Variants in KIF13B observed in about 807,000 individuals in gnomAD.
The protein encoded by KIF13B is kinesin-like protein KIF13B.
Under a neutral mutation model 222.0 loss-of-function variants are expected in KIF13B, and 127 were observed. The observed-to-expected ratio is 0.57, with a 90% CI of 0.50 to 0.66. The LOEUF (loss-of-function observed/expected upper bound fraction) is 0.66, where lower values mean the gene tolerates loss of function less well. Ranked by LOEUF, KIF13B falls within the 30% of genes least tolerant of loss-of-function variation. The pLI, the probability that KIF13B is intolerant of heterozygous loss-of-function variation, is 0.00. For missense variants in KIF13B, 2,173 were observed against 2,379.0 expected (o/e 0.91, Z 1.80); for synonymous variants, 976 against 919.0 (o/e 1.06, Z -1.12).
Position 29,072,076 on chromosome 8 carries a change from C to T in KIF13B, c.4762G>A (p.Ala1588Thr). ...GGCATGGACCCCGGCGGGGCCGCAG[C>T]GTCCAGGCCGGGGCCCAGGGCGTCC... ...LSDALGPGLD[A>T]AAPPGSMPTA... Residue 1588 changes from alanine to threonine, a missense_variant, in exon 39 of 40, where the codon GCT (alanine) becomes ACT (threonine). By Grantham distance (58) the Ala-to-Thr change is moderately conservative. Around this residue, in one of 2 missense-constraint regions of KIF13B, gnomAD observed 693 missense variants for 656.2 expected, o/e 1.06. Transcript: ENST00000524189. 1 of 1,315,446 alleles carries T rather than the reference C, an allele frequency of 7.6e-7. No homozygotes were observed. The highest frequency in any genetic ancestry group is 9.7e-7 in the Non-Finnish European group (1 of 1,030,114). 81.5% of individuals were successfully genotyped at this position (1,315,446 alleles called of 1,614,324 possible).
At position 29,071,554 on chromosome 8, in the gene KIF13B, C is replaced by T. The variant is rs923552104; in HGVS notation, c.5218+66G>A. 9 of 1,409,276 alleles carry T rather than the reference C, an allele frequency of 6.4e-6. No homozygotes were observed. The Admixed American group carries it at 1.2e-4, about 19-fold the overall frequency. 87.3% of individuals were successfully genotyped at this position (1,409,276 alleles called of 1,614,324 possible). On this transcript the variant is annotated intron_variant, in intron 39 of 39. Coordinates refer to ENST00000524189, the MANE Select transcript of KIF13B (RefSeq NM_015254.4). This position sits in a 1 kb window ranked among gnomAD's most constrained non-coding sequence, Gnocchi z 4.9. The stretch of plus-strand genomic sequence containing the variant: ...TGCCCGGACCCTGTCCCCTCCCAGG[C>T]CGGCCACGTTCCTGCTTCCCCAGAC...
At chr8:29,122,554 T>G (rs935492894) in intron 29 of KIF13B, 37 bp downstream of exon 29, 1 of 1,562,924 alleles carries the variant, frequency 6.4e-7, no homozygotes, top group African/African-American at 1.4e-5. Context: ...CACTAAATTT[T>G]CAGAGGTAAG....
chr8:29,107,538 C>T (rs1657467249), intron 35 of KIF13B, among the ~76,000 whole-genome samples: 2 of 151,278 alleles, frequency 1.3e-5, no homozygotes, highest in South Asian at 4.2e-4. Context: ...CACACACACA[C>T]ACACAAAATC....
At position 29,067,327 on chromosome 8, in the gene KIF13B, T is replaced by C. The variant is rs1161299514; in HGVS notation, c.*3177A>G. On this transcript the variant is annotated 3_prime_UTR_variant, in exon 40 of 40. Transcript: ENST00000524189. ...TATTGAGAAGCTGTTGGTCATTTGA[T>C]GGAAAGACACATACGGTACAAAATT... 5 of 152,590 alleles carry C rather than the reference T, an allele frequency of 3.3e-5. No individual in the cohort carries two copies. The highest frequency in any genetic ancestry group is 1.2e-4 in the African/African-American group (5 of 41,448). The allele number at this position is 152,590 out of a possible 1,614,324, so 9.5% of individuals were successfully genotyped here.
At chr8:29,142,975 C>T (rs1040820921) in intron 18 of KIF13B, among the ~76,000 whole-genome samples, 1 of 152,152 alleles carries the variant, frequency 6.6e-6, no homozygotes, top group Admixed American at 6.5e-5. Context: ...GCCTCAGCCT[C>T]CCAAGTAGTT....
intron 8 of KIF13B, 58 bp from the exon 9 acceptor site, chr8:29,177,636 T>A (rs537789170): frequency 5.3e-6 from 6 of 1,135,796 alleles, no homozygotes; most frequent in Non-Finnish European, 1.3e-6. Context: ...GTGTGGTGGC[T>A]CATGCCAGTA....
chr8:29,077,413 TC>T (rs1400409559), intron 37 of KIF13B, among the ~76,000 whole-genome samples: 1 of 152,170 alleles, frequency 6.6e-6, no homozygotes, highest in Non-Finnish European at 1.5e-5. Flanking sequence ...GTATTTAACG[TC>T]CCCACAAATG....
At position 29,140,090 on chromosome 8, in the gene KIF13B, C is replaced by A. The variant is rs1810743847; in HGVS notation, c.2586G>T (p.Glu862Asp). 1.2e-6 allele frequency: 2 copies of A among 1,602,762 alleles called. No homozygotes were observed. The highest frequency in any genetic ancestry group is 8.5e-7 in the Non-Finnish European group (1 of 1,174,816). Residue 862 changes from glutamate to aspartate, a missense_variant, in exon 21 of 40, where the codon GAG (glutamate) becomes GAT (aspartate). This residue lies in a region of KIF13B where 1,480 missense variants were observed against 1,722.8 expected (regional missense o/e 0.86). Transcript: ENST00000524189. ...DEVAEVSFEK[E>D]TQENKLVCMV... ...TGCACACCAGTTTGTTCTCCTGGGT[C>A]TCCTTCTCAAAGGAGACCTCTGCCA...
chr8:29,195,592 C>T (rs992802565), intron 3 of KIF13B, among the ~76,000 whole-genome samples: 8 of 152,130 alleles, frequency 5.3e-5, no homozygotes, highest in Admixed American at 2.6e-4. Flanking sequence ...CTGGAAGTTC[C>T]AAGTAACTTC....
chr8:29,094,561 C>T (rs900459300), intron 36 of KIF13B, among the ~76,000 whole-genome samples: 2 of 152,092 alleles, frequency 1.3e-5, no homozygotes, highest in East Asian at 1.9e-4. Context: ...ACTGGCTGAC[C>T]ACAGGGAATG....
chr8:29,228,232 G>A (rs1334858868), intron 2 of KIF13B, among the ~76,000 whole-genome samples: 3 of 151,368 alleles, frequency 2.0e-5, no homozygotes, highest in Non-Finnish European at 2.9e-5. Context: ...TTGGGAGTCC[G>A]AGGCAGGTGG....
At chr8:29,086,891 T>C (rs186024114) in intron 37 of KIF13B, among the ~76,000 whole-genome samples, 30 of 152,360 alleles carry the variant, frequency 2.0e-4, no homozygotes, top group African/African-American at 7.0e-4. Flanking sequence ...CTATTGAAAT[T>C]GGTGCACTAA....
intron 1 of KIF13B, chr8:29,250,083 A>C (rs1563827354): frequency 7.8e-7 from 1 of 1,278,456 alleles, no homozygotes; most frequent in East Asian, 5.6e-5. Context: ...TTACAGTCAA[A>C]TCTGTATCAT....
Position 29,132,313 on chromosome 8 carries a change from C to A in KIF13B, c.2937G>T (p.Arg979=). 6.6e-7 allele frequency: 1 copy of A among 1,523,588 alleles called. No individual in the cohort carries two copies. The highest frequency in any genetic ancestry group is 8.8e-7 in the Non-Finnish European group (1 of 1,135,824). The allele number at this position is 1,523,588 out of a possible 1,614,324, so 94.4% of individuals were successfully genotyped here. Residue 979 remains arginine, a synonymous_variant, in exon 23 of 40, where the codon CGG becomes CGT. Transcript: ENST00000524189. ...GATGAACATCTAATATTCACCTGTC[C>A]CGAAGACTACGTGTCTTTGCTTGGA... ...GIIQAKTRSL[R]DRWSEVTRKL...
At chr8:29,183,279 A>C (rs543181978) in intron 6 of KIF13B, among the ~76,000 whole-genome samples, 1 of 150,932 alleles carries the variant, frequency 6.6e-6, no homozygotes, top group Non-Finnish European at 1.5e-5. Context: ...ATCCTCCCGA[A>C]TAGCTGGGAT....
At chr8:29,076,772 T>C (rs1466105380) in intron 37 of KIF13B, among the ~76,000 whole-genome samples, 2 of 152,144 alleles carry the variant, frequency 1.3e-5, no homozygotes, top group East Asian at 3.9e-4. Context: ...AAAGGTGCAG[T>C]GGAGAGGACT....
intron 35 of KIF13B, among the ~76,000 whole-genome samples, chr8:29,102,851 C>T (rs1466059901): frequency 6.6e-6 from 1 of 152,198 alleles, no homozygotes; most frequent in Non-Finnish European, 1.5e-5. Context: ...ATTGACTAAT[C>T]TTAATTTCCT....
intron 2 of KIF13B, among the ~76,000 whole-genome samples, chr8:29,228,380 T>C (rs997952843): frequency 6.7e-6 from 1 of 150,206 alleles, no homozygotes; most frequent in Non-Finnish European, 1.5e-5. Flanking sequence ...GGCAAGAGAA[T>C]AGCGTGAACC....
At chr8:29,170,907 G>A (rs1397117774) in intron 10 of KIF13B, among the ~76,000 whole-genome samples, 3 of 152,040 alleles carry the variant, frequency 2.0e-5, no homozygotes, top group Admixed American at 1.3e-4. Flanking sequence ...GTGAGACCCT[G>A]TTTATACAAA....
Sources: gnomAD v4.1 joint callset for allele counts (sites outside exome capture counted in the v4.1 genomes callset) on GRCh38, gnomAD v4.1.1 for gene constraint, gnomAD v4.1.1 regional missense constraint, Gnocchi (gnomAD v3.1) non-coding constraint, MANE v1.5 for transcripts, NCBI Gene and HGNC (gene_info 2026-07-23, HGNC 2026-07-21) for gene names.